Variants in E2F6 observed in about 807,000 individuals in gnomAD.
E2F6 encodes transcription factor E2F6.
Under a neutral mutation model 31.5 loss-of-function variants are expected in E2F6, and 19 were observed. The observed-to-expected ratio is 0.60, with a 90% CI of 0.42 to 0.89. The LOEUF (loss-of-function observed/expected upper bound fraction) is 0.89. Among genes scored for constraint, E2F6 ranks in the 40% least tolerant of loss-of-function variants. The probability of loss-of-function intolerance (pLI) is 0.00; values close to 1 mark genes in which losing one functional copy is unlikely to be tolerated. For missense variants in E2F6, 269 were observed against 341.6 expected, an observed-to-expected ratio of 0.79 and a Z score of 1.67; for synonymous variants, 121 against 127.7, an observed-to-expected ratio of 0.95 and a Z score of 0.36.
rs771744339 is a variant in E2F6, at chr2:11,446,493, A to C, written c.830T>G (p.Leu277Arg). Reference sequence around the variant, plus strand: ...CAAATGCCATCAGTTGCTTACTTCAAGCAATTCTTCACTTTGCTGAGGATT... The same window carrying C: ...CAAATGCCATCAGTTGCTTACTTCACGCAATTCTTCACTTTGCTGAGGATT... ...EENPQQSEEL[L>R]EVSN The change falls in exon 7 of 7, where the codon CTT becomes CGT. Residue 277 changes from leucine (L) to arginine (R), a missense_variant. Transcript: ENST00000381525. The C allele has an allele frequency of 1.2e-6, 2 of 1,613,194 alleles. No individual in the cohort carries two copies. Among genetic ancestry groups the C allele is most frequent in the South Asian group, 2.2e-5 (2 of 90,924 alleles).
At chr2:11,463,316 G>A (rs1027091270) in intron 1 of E2F6, among the ~76,000 whole-genome samples, 15 of 152,152 alleles carry the variant, frequency 9.9e-5, no homozygotes, top group Non-Finnish European at 1.3e-4. Context: ...AGACCTTTAC[G>A]ATGACCTAAT....
At chr2:11,456,626 A>T (rs1671421852) in intron 2 of E2F6, among the ~76,000 whole-genome samples, 1 of 152,248 alleles carries the variant, frequency 6.6e-6, no homozygotes, top group African/African-American at 2.4e-5. Context: ...GTTAGATATT[A>T]TTATAAATTG....
intron 5 of E2F6, among the ~76,000 whole-genome samples, chr2:11,449,014 C>A (rs986542531): frequency 6.6e-6 from 1 of 152,198 alleles, no homozygotes; most frequent in African/African-American, 2.4e-5. Flanking sequence ...CTAAGAGAAG[C>A]CTCAGGTATG....
intron 5 of E2F6, among the ~76,000 whole-genome samples, chr2:11,448,737 G>C (rs930659937): frequency 6.6e-6 from 1 of 152,206 alleles, no homozygotes; most frequent in Non-Finnish European, 1.5e-5. Context: ...CTTCCATAAA[G>C]GCTGAGATGG....
rs570714460 is a variant in E2F6 at position 11,465,111 on chromosome 2, G to T, written c.108+661C>A. ...GAGAATCTCTTGAACCTGGGAGGTG[G>T]GGGTTGCAGTGAGCTGAGATTGCGC... On this transcript the variant is annotated intron_variant, in intron 1 of 6. Transcript: ENST00000381525. Among the ~76,000 whole-genome samples, 3 of 151,206 alleles carry T rather than the reference G, an allele frequency of 2.0e-5. No homozygotes were observed. The East Asian group carries it at 5.8e-4, about 29-fold the overall frequency.
At chr2:11,459,840 T>C (rs1671656769) in intron 1 of E2F6, among the ~76,000 whole-genome samples, 1 of 151,690 alleles carries the variant, frequency 6.6e-6, no homozygotes, top group Non-Finnish European at 1.5e-5. Context: ...GCTGAGATCG[T>C]GCCATTGCAC....
chr2:11,453,995 C>G (rs2148345712), intron 2 of E2F6, among the ~76,000 whole-genome samples, 197 bp from the exon 3 acceptor site: 1 of 152,222 alleles, frequency 6.6e-6, no homozygotes, highest in South Asian at 2.1e-4. Context: ...TGGCTCTAAA[C>G]AAAGGCTTTA....
In E2F6 at chr2:11,446,257, C is replaced by G; in HGVS notation, c.*220G>C. 2.0e-6 allele frequency: 1 copy of G among 504,026 alleles called. No individual in the cohort carries two copies. The highest frequency in any genetic ancestry group is 3.3e-5 in the East Asian group (1 of 29,940). The allele number at this position is 504,026 out of a possible 1,614,324, so 31.2% of individuals were successfully genotyped here. On this transcript the variant is annotated 3_prime_UTR_variant, in exon 7 of 7. Transcript: ENST00000381525. ...AGATGTCTATTTCACTGACAAAAAG[C>G]AGTGAATAATTATAAAAGGAGTTGT...
intron 1 of E2F6, among the ~76,000 whole-genome samples, chr2:11,464,993 AC>A (rs905551450): frequency 3.3e-5 from 5 of 152,040 alleles, no homozygotes; most frequent in African/African-American, 1.2e-4. Context: ...AGCCTGGCCA[AC>A]ACGGCGAAAT....
chr2:11,451,555 C>A, intron 4 of E2F6, 96 bp downstream of exon 4: 6 of 1,232,024 alleles, frequency 4.9e-6, no homozygotes, highest in Non-Finnish European at 2.2e-6. Context: ...AATTTTATAT[C>A]TTAAATATAT....
Position 11,451,731 on chromosome 2 carries a change from T to C in E2F6, c.456A>G (p.Ala152=). The C allele has an allele frequency of 1.9e-6, 3 of 1,609,992 alleles. No individual in the cohort carries two copies. Among genetic ancestry groups the C allele is most frequent in the Non-Finnish European group, 2.5e-6 (3 of 1,177,470 alleles). The change falls in exon 4 of 7, where the codon GCA becomes GCG. Residue 152 remains alanine, a synonymous_variant. Transcript: ENST00000381525. ...TTAACTCATCCAAAGCATCTTCCAT[T>C]GCTGATAAGTCAGAAAGTTCCTCCT... ...KLQEELSDLS[A]MEDALDELIK... is the part of the protein sequence containing the mutation.
chr2:11,463,309 C>G (rs1453854195), intron 1 of E2F6, among the ~76,000 whole-genome samples: 1 of 152,192 alleles, frequency 6.6e-6, no homozygotes, highest in Admixed American at 6.5e-5. Flanking sequence ...AGGATGAAGA[C>G]CTTTACGATG....
In E2F6 at chr2:11,451,344, CTAACTTT is replaced by C. The variant is rs1558453344; in HGVS notation, c.536+300_536+306del. Reference sequence around the variant, plus strand: ...AGGTTATACTACTACCAACTTTTACCTAACTTTTTTTTTTTTTTTTTTTGAGACGGAG... The same window carrying C: ...AGGTTATACTACTACCAACTTTTACCTTTTTTTTTTTTTTTTGAGACGGAG... On this transcript the variant is annotated intron_variant, in intron 4 of 6. Coordinates refer to ENST00000381525, the MANE Select transcript of E2F6 (RefSeq NM_198256.4). The C allele has an allele frequency of 1.1e-4, 12 of 113,652 alleles. 1 individual carries two copies. The highest frequency in any genetic ancestry group is 1.8e-4 in the South Asian group (1 of 5,500). 7.0% of individuals were successfully genotyped at this position (113,652 alleles called of 1,614,324 possible).
At chr2:11,447,416 A>G (rs1670785577) in intron 6 of E2F6, among the ~76,000 whole-genome samples, 2 of 152,186 alleles carry the variant, frequency 1.3e-5, no homozygotes, top group Admixed American at 1.3e-4. Flanking sequence ...ATGGGACCAA[A>G]CAGAATTCTA....
chr2:11,447,855 G>A (rs114855961), intron 5 of E2F6, 81 bp from the exon 6 acceptor site: 21,864 of 1,473,796 alleles, frequency 0.015, 197 homozygotes, highest in Middle Eastern at 0.023. Flanking sequence ...CAAAAATTTC[G>A]AGACATTTGA....
chr2:11,455,252 T>C lies in E2F6; in HGVS notation c.164-1454A>G, dbSNP rs1671334875. ...GAAAAAATAATTTCTAAAATAACTTTGTCACTCTGGTGTGGAATATATGAC... is the reference window on the plus strand; with the variant it reads ...GAAAAAATAATTTCTAAAATAACTTCGTCACTCTGGTGTGGAATATATGAC... On this transcript the variant is annotated intron_variant, in intron 2 of 6. Coordinates refer to ENST00000381525, the MANE Select transcript of E2F6 (RefSeq NM_198256.4). The C allele has an allele frequency of 3.2e-6, 3 of 951,942 alleles. No individual in the cohort carries two copies. In the South Asian group the frequency reaches 1.2e-4, roughly 37 times the overall value. 59.0% of individuals were successfully genotyped at this position (951,942 alleles called of 1,614,324 possible).
intron 5 of E2F6, among the ~76,000 whole-genome samples, chr2:11,449,014 C>T (rs986542531): frequency 6.6e-6 from 1 of 152,198 alleles, no homozygotes; most frequent in African/African-American, 2.4e-5. Flanking sequence ...CTAAGAGAAG[C>T]CTCAGGTATG....
intron 1 of E2F6, among the ~76,000 whole-genome samples, chr2:11,464,132 G>A (rs554893855): frequency 2.6e-5 from 4 of 152,082 alleles, no homozygotes; most frequent in South Asian, 2.1e-4. Flanking sequence ...CGAGCTTGTC[G>A]GTGACCTTGG....
chr2:11,458,715 C>T (rs554102493), intron 1 of E2F6, among the ~76,000 whole-genome samples: 1 of 152,290 alleles, frequency 6.6e-6, no homozygotes, highest in Non-Finnish European at 1.5e-5. Context: ...ACAATATCCT[C>T]GGCACAATGA....
Sources: allele counts gnomAD v4.1 joint callset (sites outside exome capture counted in the v4.1 genomes callset), GRCh38; gene constraint gnomAD v4.1.1; transcripts MANE v1.5; gene names NCBI Gene and HGNC (gene_info 2026-07-23, HGNC 2026-07-21).